Variants in ZNF841 observed in about 807,000 individuals in gnomAD.
ZNF841 encodes TCONS_00006091.
ZNF841 carries 11 observed loss-of-function variants against 13.0 expected under a neutral mutation model. The observed-to-expected ratio is 0.85, with a 90% CI of 0.53 to 1.40. ZNF841 has a LOEUF of 1.40. Among genes scored for constraint, ZNF841 ranks in the 40% most tolerant of loss-of-function variants. The probability of loss-of-function intolerance (pLI) is 0.00; values close to 1 mark genes in which losing one functional copy is unlikely to be tolerated. For synonymous variants in ZNF841, 369 were observed against 381.6 expected (o/e 0.97, Z 0.38); for missense variants, 1,068 against 1,139.5 (o/e 0.94, Z 0.90).
chr19:52,074,241 A>G (rs913599188), intron 6 of ZNF841, among the ~76,000 whole-genome samples: 2 of 152,234 alleles, frequency 1.3e-5, no homozygotes, highest in African/African-American at 4.8e-5. Context: ...AAACAAAGAA[A>G]ACTGAGTATC....
intron 6 of ZNF841, among the ~76,000 whole-genome samples, chr19:52,072,241 C>G (rs1019158774): frequency 9.2e-5 from 14 of 152,118 alleles, no homozygotes; most frequent in African/African-American, 2.9e-4. Context: ...TAATAAGAGA[C>G]TTCAATGGCC....
Position 52,066,496 on chromosome 19 carries a change from A to G in ZNF841, c.1386T>C (p.Cys462=). Residue 462 remains cysteine (C), a synonymous_variant, in exon 7 of 7, where the codon TGT becomes TGC. Transcript: ENST00000594440. ...TGETPYKCNE[C]GKVFFQRSRL... ...GTGAACGTTGAAAGAAGACCTTGCC[A>G]CATTCATTACATTTGTAAGGTGTCT... The G allele has an allele frequency of 6.2e-7, 1 of 1,614,048 alleles. No homozygotes were observed. The highest frequency in any genetic ancestry group is 8.5e-7 in the Non-Finnish European group (1 of 1,179,956).
At chr19:52,076,193 A>G (rs758705131) in intron 5 of ZNF841, 21 bp from the exon 6 acceptor site, 3 of 1,544,764 alleles carry the variant, frequency 1.9e-6, no homozygotes, top group Non-Finnish European at 2.6e-6. Flanking sequence ...AAAAAGAAAG[A>G]AGATGTCCCA....
At position 52,065,762 on chromosome 19, in the gene ZNF841, T is replaced by C; in HGVS notation, c.2120A>G (p.Lys707Arg). 6.2e-7 allele frequency: 1 copy of C among 1,609,052 alleles called. No individual in the cohort carries two copies. Among genetic ancestry groups the C allele is most frequent in the Non-Finnish European group, 8.5e-7 (1 of 1,177,212 alleles). Residue 707 changes from lysine (K) to arginine (R), a missense_variant, in exon 7 of 7, where the codon AAA becomes AGA. Transcript: ENST00000594440. ...ACCACATTCACTACATTTGTGTGGT[T>C]TCTCCCCAGTAGGATTTCTGTGATA... is the stretch of plus-strand genomic sequence containing the variant. ...ARYHRNPTGE[K>R]PHKCSECGRT...
At chr19:52,059,225 C>A in the ZNF841 span, 1 of 150,680 alleles carries the variant, frequency 6.6e-6, no homozygotes, top group Non-Finnish European at 1.5e-5. Context: ...TGGTGGGCGC[C>A]TATAGTCCCA....
At position 52,065,934 on chromosome 19, in the gene ZNF841, C is replaced by T; in HGVS notation, c.1948G>A (p.Glu650Lys). Residue 650 changes from glutamate (E) to lysine (K), a missense_variant, in exon 7 of 7, where the codon GAG becomes AAG. Physicochemically the swap from Glu to Lys is moderately conservative, Grantham distance 56. Coordinates refer to ENST00000594440, the MANE Select transcript of ZNF841 (RefSeq NM_001136499.2). ...LARHRKIHTG[E>K]KPYKCNDCGK... ...CAATCATTACATTTATAAGGTTTCT[C>T]TCCGGTATGAATTTTCCGATGACGT... is the stretch of plus-strand genomic sequence containing the variant. 3 of 1,614,212 alleles carry T rather than the reference C, an allele frequency of 1.9e-6. No homozygotes were observed. Among genetic ancestry groups the T allele is most frequent in the Non-Finnish European group, 2.5e-6 (3 of 1,180,040 alleles).
At chr19:52,090,543 G>A (rs140608468) in intron 2 of ZNF841, among the ~76,000 whole-genome samples, 189 of 151,590 alleles carry the variant, frequency 1.2e-3, no homozygotes, top group African/African-American at 4.4e-3. Flanking sequence ...AACCTGCAGT[G>A]AGGTATGATC....
In ZNF841 at chr19:52,064,762, T is replaced by C. The variant is rs575564461; in HGVS notation, c.*345A>G. ...AATTCTCCTGACTCAGCCTCTCGAG[T>C]AGCTGGTACTACCAGTACCCGCCAC... On this transcript the variant is annotated 3_prime_UTR_variant, in exon 7 of 7. Transcript: ENST00000594440. 2 of 163,248 alleles carry C rather than the reference T, an allele frequency of 1.2e-5. No individual in the cohort carries two copies. Among genetic ancestry groups the C allele is most frequent in the South Asian group, 3.8e-4 (2 of 5,314 alleles). 10.1% of individuals were successfully genotyped at this position (163,248 alleles called of 1,614,324 possible). A position where few individuals can be genotyped will look rare whatever the true frequency, so the allele number is the denominator to read the frequency against.
intron 4 of ZNF841, among the ~76,000 whole-genome samples, chr19:52,077,513 A>G (rs2087944174): frequency 6.6e-6 from 1 of 152,202 alleles, no homozygotes; most frequent in African/African-American, 2.4e-5. Flanking sequence ...AACACTCCCC[A>G]TGTACCGGGC....
intron 1 of ZNF841, 143 bp downstream of exon 1, chr19:52,095,432 T>G (rs2088637100): frequency 1.3e-5 from 2 of 152,208 alleles, no homozygotes; most frequent in African/African-American, 4.8e-5. Context: ...GGACTCGACT[T>G]GGCGCGGGGC....
At chr19:52,077,741 T>C (rs2087951913) in intron 4 of ZNF841, among the ~76,000 whole-genome samples, 1 of 152,240 alleles carries the variant, frequency 6.6e-6, no homozygotes, top group African/African-American at 2.4e-5. Flanking sequence ...TTACAGAGTA[T>C]GTCCTAGTCT....
rs777242104 is a variant in ZNF841 at position 52,065,404 on chromosome 19, A to G, written c.2478T>C (p.Cys826=). The part of the protein sequence containing the change: ...TGEKPYKCNE[C]GKAFIERSNL... ...TTGACCTTTCGATAAAAGCTTTACCACATTCATTACATTTATAAGGTTTCT... is the reference window on the plus strand; with the variant it reads ...TTGACCTTTCGATAAAAGCTTTACCGCATTCATTACATTTATAAGGTTTCT... Residue 826 remains cysteine (C), a synonymous_variant, in exon 7 of 7, where the codon TGT becomes TGC. Coordinates refer to ENST00000594440, the MANE Select transcript of ZNF841 (RefSeq NM_001136499.2). The G allele has an allele frequency of 5.0e-6, 8 of 1,611,808 alleles. No individual in the cohort carries two copies. In the East Asian group the frequency reaches 1.6e-4, roughly 31 times the overall value.
intron 6 of ZNF841, 31 bp from the exon 7 acceptor site, chr19:52,067,641 A>G: frequency 7.3e-7 from 1 of 1,369,344 alleles, no homozygotes; most frequent in South Asian, 1.8e-5. Flanking sequence ...GGGGTTTTAA[A>G]ATAACTATTA....
chr19:52,076,277 CA>C (rs2087898626), intron 5 of ZNF841, 105 bp from the exon 6 acceptor site: 1 of 1,362,166 alleles, frequency 7.3e-7, no homozygotes, highest in African/African-American at 1.5e-5. Flanking sequence ...AAATATTTCA[CA>C]AACTCATCCA....
chr19:52,080,878 C>A (rs1188790377), intron 4 of ZNF841, among the ~76,000 whole-genome samples: 1 of 152,112 alleles, frequency 6.6e-6, no homozygotes, highest in African/African-American at 2.4e-5. Context: ...AACAAAGCAA[C>A]CACCCAAAAC....
At chr19:52,059,313 G>T in the ZNF841 span, among the ~76,000 whole-genome samples, 10 of 131,014 alleles carry the variant, frequency 7.6e-5, no homozygotes, top group African/African-American at 2.7e-4. Context: ...TCGCGCCGCT[G>T]CACTCCAGCC....
downstream of ZNF841, chr19:52,063,686 T>C (rs2087443940): frequency 6.6e-6 from 1 of 152,236 alleles, no homozygotes; most frequent in Admixed American, 6.5e-5. Context: ...TTCGTTACAT[T>C]TGTAAGACTG....
chr19:52,083,998 A>G (rs2123336178), intron 4 of ZNF841, among the ~76,000 whole-genome samples: 1 of 152,178 alleles, frequency 6.6e-6, no homozygotes, highest in South Asian at 2.1e-4. Flanking sequence ...GATGTTTAAA[A>G]TAAATGTAAT....
intron 4 of ZNF841, among the ~76,000 whole-genome samples, chr19:52,084,525 C>A (rs1249243205): frequency 1.3e-5 from 2 of 152,226 alleles, no homozygotes; most frequent in African/African-American, 4.8e-5. Context: ...CACCACAGAA[C>A]TCACACCCTG....
Sources: allele counts gnomAD v4.1 joint callset (sites outside exome capture counted in the v4.1 genomes callset), GRCh38; gene constraint gnomAD v4.1.1; transcripts MANE v1.5; gene names NCBI Gene and HGNC (gene_info 2026-07-23, HGNC 2026-07-21).